LRP1B: variants seen among roughly 807,000 people sequenced by gnomAD.
The protein encoded by LRP1B is LDL receptor related protein 1B, also known as low-density lipoprotein receptor-related protein 1B.
Under a neutral mutation model 556.6 loss-of-function variants are expected in LRP1B, and 217 were observed. The observed-to-expected ratio is 0.39, with a 90% confidence interval of 0.35 to 0.44. The LOEUF (loss-of-function observed/expected upper bound fraction) is 0.44, where lower values mean the gene tolerates loss of function less well. Ranked by LOEUF, LRP1B falls within the 20% of genes least tolerant of loss-of-function variation. The pLI is 1.00. For synonymous variants in LRP1B, 2,047 were observed against 1,865.8 expected, an observed-to-expected ratio of 1.10 and a Z score of -2.50; for missense variants, 5,053 against 5,620.8, an observed-to-expected ratio of 0.90 and a Z score of 3.23.
intron 2 of LRP1B, among the ~76,000 whole-genome samples, chr2:141,514,175 A>T (rs770349485): frequency 2.5e-4 from 38 of 152,090 alleles, no homozygotes; most frequent in Non-Finnish European, 5.0e-4. Context: ...GACTACACTG[A>T]TCATGCCATT....
intron 2 of LRP1B, among the ~76,000 whole-genome samples, chr2:141,597,585 A>C (rs918083669): frequency 2.0e-5 from 3 of 152,080 alleles, no homozygotes; most frequent in Non-Finnish European, 4.4e-5. Context: ...CCCAGACTGC[A>C]TGTTCTTATA....
At chr2:140,279,427 T>C (rs992685516) in intron 84 of LRP1B, among the ~76,000 whole-genome samples, 1 of 152,110 alleles carries the variant, frequency 6.6e-6, no homozygotes, top group Admixed American at 6.6e-5. Context: ...GCAATGTTAA[T>C]AAATCATAAG....
At chr2:140,930,878 C>T (rs1035229751) in intron 20 of LRP1B, among the ~76,000 whole-genome samples, 5 of 152,086 alleles carry the variant, frequency 3.3e-5, no homozygotes, top group African/African-American at 1.2e-4. Flanking sequence ...CCTGACACTA[C>T]TTAGAAGCTG....
At chr2:141,876,626 A>G in intron 1 of LRP1B, among the ~76,000 whole-genome samples, 1 of 147,200 alleles carries the variant, frequency 6.8e-6, no homozygotes, top group African/African-American at 2.5e-5. Flanking sequence ...GAATATTACC[A>G]CTCATTTTTT....
At chr2:141,647,138 G>C (rs931212924) in intron 2 of LRP1B, among the ~76,000 whole-genome samples, 1 of 152,126 alleles carries the variant, frequency 6.6e-6, no homozygotes, top group Non-Finnish European at 1.5e-5. Context: ...TACTGATTTT[G>C]TATCCTTGTC....
At chr2:141,020,202 AG>A in intron 11 of LRP1B, 100 bp from the exon 12 acceptor site, 1 of 661,792 alleles carries the variant, frequency 1.5e-6, no homozygotes, top group Non-Finnish European at 2.3e-6. Context: ...TAGTTCAAAA[AG>A]GAAAGAACTC....
chr2:140,484,587 T>C (rs1057498790), intron 59 of LRP1B, among the ~76,000 whole-genome samples: 2 of 152,222 alleles, frequency 1.3e-5, no homozygotes, highest in Non-Finnish European at 2.9e-5. Context: ...AAGATCATTT[T>C]GGAGCATGTA....
chr2:142,121,654 C>T (rs1216416281), intron 1 of LRP1B, among the ~76,000 whole-genome samples: 1 of 152,106 alleles, frequency 6.6e-6, no homozygotes, highest in East Asian at 1.9e-4. Flanking sequence ...TGTCCTCAGT[C>T]ACATTACATT....
Position 141,406,403 on chromosome 2 carries a change from G to T in LRP1B, c.343+73993C>A, listed in dbSNP as rs2104934294. 2.0e-5 allele frequency among the ~76,000 whole-genome samples: 3 copies of T among 152,096 alleles called. No homozygotes were observed. The East Asian group carries it at 5.8e-4, about 29-fold the overall frequency. On this transcript the variant is annotated intron_variant, in intron 3 of 90. Transcript: ENST00000389484. ...ATAACATAAACTGGGCCTATCTCAGGCAAGGAACATAAGGTCAGACTAGGC... is the reference window on the plus strand; with the variant it reads ...ATAACATAAACTGGGCCTATCTCAGTCAAGGAACATAAGGTCAGACTAGGC...
intron 7 of LRP1B, among the ~76,000 whole-genome samples, chr2:141,124,042 GAGAAA>G (rs964735347): frequency 8.6e-5 from 13 of 152,020 alleles, no homozygotes; most frequent in East Asian, 1.9e-4. Flanking sequence ...TGAGAGAAGT[GAGAAA>G]AGAAAAGTAA....
At chr2:141,357,272 T>C (rs2105555033) in intron 3 of LRP1B, among the ~76,000 whole-genome samples, 1 of 152,198 alleles carries the variant, frequency 6.6e-6, no homozygotes, top group South Asian at 2.1e-4. Flanking sequence ...GCCAGGGTGG[T>C]CTGGATCTCC....
chr2:141,602,015 G>T (rs1271141202), intron 2 of LRP1B, among the ~76,000 whole-genome samples: 1 of 152,034 alleles, frequency 6.6e-6, no homozygotes, highest in Non-Finnish European at 1.5e-5. Flanking sequence ...AATTCCCAGG[G>T]AAATCTCTGT....
At chr2:141,594,396 T>C (rs1687445273) in intron 2 of LRP1B, among the ~76,000 whole-genome samples, 1 of 152,088 alleles carries the variant, frequency 6.6e-6, no homozygotes, top group Admixed American at 6.6e-5. Context: ...ATCTGCTTGG[T>C]AAATCAAAAG....
Position 140,493,276 on chromosome 2 carries a change from A to G in LRP1B, c.9035-583T>C, listed in dbSNP as rs151338430. 3.6e-3 allele frequency among the ~76,000 whole-genome samples: 540 copies of G among 152,054 alleles called. 8 individuals carry two copies. The highest frequency in any genetic ancestry group is 0.012 in the African/African-American group (505 of 41,460). ...TTTTTCTAATGCTTTAATAGTCTTTATTTCTACCTTATCAGCTTGTCCAAT... is the reference window on the plus strand; with the variant it reads ...TTTTTCTAATGCTTTAATAGTCTTTGTTTCTACCTTATCAGCTTGTCCAAT... On this transcript the variant is annotated intron_variant, in intron 56 of 90. Transcript: ENST00000389484.
At chr2:141,808,059 GT>G (rs1696219683) in intron 2 of LRP1B, among the ~76,000 whole-genome samples, 1 of 152,040 alleles carries the variant, frequency 6.6e-6, no homozygotes, top group South Asian at 2.1e-4. Flanking sequence ...TCTCCAGTCT[GT>G]TTCTCCACTG....
chr2:141,329,660 A>AAACAAAACAAAAC (rs1687569005), intron 3 of LRP1B, among the ~76,000 whole-genome samples: 8 of 149,428 alleles, frequency 5.4e-5, no homozygotes, highest in South Asian at 2.2e-4. Context: ...AAAAAAAAAA[A>AAACAAAACAAAAC]AAAAACTATC....
At chr2:141,651,581 C>T (rs989282544) in intron 2 of LRP1B, among the ~76,000 whole-genome samples, 3 of 152,162 alleles carry the variant, frequency 2.0e-5, no homozygotes, top group Admixed American at 6.5e-5. Context: ...ACAAGAATTG[C>T]TTGAGCCCGG....
intron 66 of LRP1B, among the ~76,000 whole-genome samples, chr2:140,430,603 C>T (rs1270622492): frequency 6.6e-6 from 1 of 152,202 alleles, no homozygotes; most frequent in Non-Finnish European, 1.5e-5. Context: ...CCCACCTATT[C>T]CCCTGCTGAA....
chr2:141,414,081 C>CA (rs984307180), intron 3 of LRP1B, among the ~76,000 whole-genome samples: 1 of 151,404 alleles, frequency 6.6e-6, no homozygotes, highest in Non-Finnish European at 1.5e-5. Context: ...ACTAAAAATA[C>CA]AAAAAATTAG....
Sources: gnomAD v4.1 joint callset for allele counts (sites outside exome capture counted in the v4.1 genomes callset) on GRCh38, gnomAD v4.1.1 for gene constraint, MANE v1.5 for transcripts, NCBI Gene and HGNC (gene_info 2026-07-23, HGNC 2026-07-21) for gene names.